The following RTTN variants were observed in gnomAD, a reference collection of about 807,000 sequenced individuals.
RTTN encodes the protein rotatin.
RTTN carries 182 observed loss-of-function variants against 269.2 expected under a neutral mutation model. That is an observed-to-expected ratio of 0.68 (90% CI 0.60 to 0.76). RTTN has a LOEUF of 0.76. RTTN is among the 30% of genes least tolerant of loss of function. RTTN has a pLI of 0.00. For missense variants in RTTN, 2,545 were observed against 2,608.6 expected (o/e 0.98, Z 0.53); for synonymous variants, 1,006 against 963.5 (o/e 1.04, Z -0.82).
intron 4 of RTTN, among the ~76,000 whole-genome samples, chr18:70,201,607 CAAAAAAAAAAAAAAAA>C (rs34966295): frequency 9.8e-5 from 4 of 41,008 alleles, no homozygotes; most frequent in Non-Finnish European, 1.5e-4. Context: ...GACTCCATCT[CAAAAAAAAAAAAAAAA>C]AAAAAAAAAA....
intron 5 of RTTN, among the ~76,000 whole-genome samples, 186 bp downstream of exon 5, chr18:70,199,228 A>C (rs1451195746): frequency 6.6e-6 from 1 of 152,116 alleles, no homozygotes; most frequent in African/African-American, 2.4e-5. Flanking sequence ...TGATGTGTAG[A>C]TTGATTAAAA....
intron 18 of RTTN, among the ~76,000 whole-genome samples, chr18:70,143,320 C>G (rs1020641263): frequency 6.6e-6 from 1 of 152,076 alleles, no homozygotes. Flanking sequence ...GCACTATTCA[C>G]AACAGCAAAC....
chr18:70,090,892 G>T (rs1322115958), intron 30 of RTTN, among the ~76,000 whole-genome samples: 2 of 152,206 alleles, frequency 1.3e-5, no homozygotes, highest in Non-Finnish European at 2.9e-5. Context: ...TCAAGCCAAA[G>T]AACATTATCC....
Position 70,127,569 on chromosome 18 carries a change from A to G in RTTN, c.3316T>C (p.Leu1106=), listed in dbSNP as rs142614017. ...CCACATGGACCAGGGCAACCCTTTAAAGACAATCTGTCATTCAGAAGATAA... is the reference window on the plus strand; with the variant it reads ...CCACATGGACCAGGGCAACCCTTTAGAGACAATCTGTCATTCAGAAGATAA... The part of the protein sequence containing the change: ...SFYLLNDRLS[L]KGCPGPCGVT... The change falls in exon 25 of 49, where the codon TTA becomes CTA. Residue 1106 remains leucine (L), a synonymous_variant. Transcript: ENST00000640769. 18 of 1,613,520 alleles carry G rather than the reference A, an allele frequency of 1.1e-5. No individual in the cohort carries two copies. In the East Asian group the frequency reaches 3.8e-4, roughly 34 times the overall value.
intron 10 of RTTN, among the ~76,000 whole-genome samples, chr18:70,181,015 G>GT (rs2061411124): frequency 6.6e-6 from 1 of 152,192 alleles, no homozygotes; most frequent in Non-Finnish European, 1.5e-5. Context: ...GAAGGTCTAT[G>GT]TAATTAGAGA....
In RTTN at chr18:70,205,308, C is replaced by A. The variant is rs1441727786; in HGVS notation, c.39G>T (p.Gln13His). Reference sequence around the variant, plus strand: ...GAGCGCGCTCCCTGATCTCGGCCAGCTGATGACCTGTCAACGAACGGCACA... The same window carrying A: ...GAGCGCGCTCCCTGATCTCGGCCAGATGATGACCTGTCAACGAACGGCACA... ...LAGLIRKLGH[Q>H]LAEIRERALK... Residue 13 changes from glutamine to histidine, a missense_variant, in exon 2 of 49, where the codon CAG (glutamine) becomes CAT (histidine). Gln to His is a conservative substitution (Grantham distance 24). Coordinates refer to ENST00000640769, the MANE Select transcript of RTTN (RefSeq NM_173630.4). The A allele has an allele frequency of 6.2e-7, 1 of 1,614,178 alleles. No homozygotes were observed. The highest frequency in any genetic ancestry group is 1.3e-5 in the African/African-American group (1 of 75,050).
chr18:70,115,459 A>G (rs1396726056), intron 26 of RTTN, among the ~76,000 whole-genome samples: 1 of 151,940 alleles, frequency 6.6e-6, no homozygotes, highest in African/African-American at 2.4e-5. Flanking sequence ...TACATTAATC[A>G]GAAGCATTAA....
At chr18:70,090,466 T>A (rs141642472) in intron 30 of RTTN, among the ~76,000 whole-genome samples, 90 of 152,336 alleles carry the variant, frequency 5.9e-4, no homozygotes, top group African/African-American at 2.0e-3. Context: ...AGCCTTCTTG[T>A]ATTGATGTGA....
chr18:70,075,386 A>G lies in RTTN; in HGVS notation c.4530T>C (p.Ala1510=), dbSNP rs2145071229. ...GRCMFDLNFS[A]FDRNSESNDL... ...CATTGCTTTCTGAATTTCTATCAAA[A>G]GCAGAAAAATTCAAATCAAACATAC... is the stretch of plus-strand genomic sequence containing the variant. Residue 1510 remains alanine, a synonymous_variant, in exon 33 of 49, where the codon GCT becomes GCC. Transcript: ENST00000640769. 6.3e-7 allele frequency: 1 copy of G among 1,591,584 alleles called. No homozygotes were observed. Among genetic ancestry groups the G allele is most frequent in the South Asian group, 1.2e-5 (1 of 85,294 alleles).
Position 70,166,201 on chromosome 18 carries a change from T to C in RTTN, c.1803-13A>G. The C allele has an allele frequency of 6.2e-7, 1 of 1,612,050 alleles. No individual in the cohort carries two copies. On this transcript the variant is annotated splice_polypyrimidine_tract_variant and intron_variant, in intron 13 of 48. Transcript: ENST00000640769. ...AGCAGATTTCCAGCTGGTGAAAAGG[T>C]AAAACAACCAAGACATGTGAGGCAA...
At position 70,137,836 on chromosome 18, in the gene RTTN, A is replaced by G. The variant is rs147209781; in HGVS notation, c.2788+1763T>C. The stretch of plus-strand genomic sequence containing the variant: ...TGGTGTACTGTATATTTACTTGTCA[A>G]TGTCTCCAACTCTACTGTAAGCTCC... On this transcript the variant is annotated intron_variant, in intron 21 of 48. Transcript: ENST00000640769. Among the ~76,000 whole-genome samples the G allele has an allele frequency of 5.9e-5, 9 of 152,262 alleles. No homozygotes were observed. The East Asian group carries it at 1.4e-3, about 23-fold the overall frequency.
chr18:70,045,013 C>G (rs181929046), intron 40 of RTTN, among the ~76,000 whole-genome samples: 1 of 152,256 alleles, frequency 6.6e-6, no homozygotes, highest in East Asian at 1.9e-4. Flanking sequence ...AAAATCTCTG[C>G]TAAGTCAAAT....
intron 28 of RTTN, among the ~76,000 whole-genome samples, chr18:70,099,119 T>G (rs1407476270): frequency 1.3e-5 from 2 of 152,202 alleles, no homozygotes; most frequent in African/African-American, 2.4e-5. Context: ...AGTAATGGAA[T>G]GGCTGGGTAA....
At chr18:70,128,685 C>T (rs1307753617) in intron 23 of RTTN, 139 bp from the exon 24 acceptor site, 1 of 639,938 alleles carries the variant, frequency 1.6e-6, no homozygotes, top group Non-Finnish European at 2.7e-6. Context: ...CTATTTTAAA[C>T]AATTATCATA....
At chr18:70,116,638 C>T (rs891671811) in intron 26 of RTTN, among the ~76,000 whole-genome samples, 1 of 152,044 alleles carries the variant, frequency 6.6e-6, no homozygotes, top group Non-Finnish European at 1.5e-5. Flanking sequence ...AAACCAACTA[C>T]TTGGGCCATT....
chr18:70,111,509 G>A (rs778392771), intron 27 of RTTN, among the ~76,000 whole-genome samples: 7 of 151,692 alleles, frequency 4.6e-5, no homozygotes, highest in African/African-American at 1.2e-4. Flanking sequence ...GGAACAGCAC[G>A]TCCACTCAAA....
Position 70,024,796 on chromosome 18 carries a change from C to T in RTTN, c.5876G>A (p.Trp1959Ter). 6.2e-7 allele frequency: 1 copy of T among 1,613,996 alleles called. No individual in the cohort carries two copies. Among genetic ancestry groups the T allele is most frequent in the Non-Finnish European group, 8.5e-7 (1 of 1,179,918 alleles). The change falls in exon 44 of 49, where the codon TGG (tryptophan) becomes TAG (stop). Residue 1959 changes from tryptophan to a stop codon, truncating the protein, a stop_gained. Coordinates refer to ENST00000640769, the MANE Select transcript of RTTN (RefSeq NM_173630.4). LOFTEE classifies it high-confidence loss of function. Reference sequence around the variant, plus strand: ...CATCAATGAATCATCCATCAAAATCCAAGGCCAGAGAGAGTGCAAGACAGG... The same window carrying T: ...CATCAATGAATCATCCATCAAAATCTAAGGCCAGAGAGAGTGCAAGACAGG... The part of the protein sequence containing the change: ...LVPVLHSLWP[W>*]ILMDDSLMQI...
intron 8 of RTTN, among the ~76,000 whole-genome samples, chr18:70,191,493 G>A (rs2146100298): frequency 6.6e-6 from 1 of 152,268 alleles, no homozygotes; most frequent in South Asian, 2.1e-4. Flanking sequence ...CATGGGAAAT[G>A]TATTACTTCA....
In RTTN at chr18:70,024,778, G is replaced by A; in HGVS notation, c.5894C>T (p.Ser1965Leu). The change falls in exon 44 of 49, where the codon TCA (serine) becomes TTA (leucine). Residue 1965 changes from serine to leucine, a missense_variant. Coordinates refer to ENST00000640769, the MANE Select transcript of RTTN (RefSeq NM_173630.4). ...GAGCTGCAGAGAAATTTGCATCAATGAATCATCCATCAAAATCCAAGGCCA... is the reference window on the plus strand; with the variant it reads ...GAGCTGCAGAGAAATTTGCATCAATAAATCATCCATCAAAATCCAAGGCCA... ...SLWPWILMDDSLMQISLQLLC... is the reference protein window; with the variant it reads ...SLWPWILMDDLLMQISLQLLC... The A allele has an allele frequency of 6.2e-7, 1 of 1,613,914 alleles. No individual in the cohort carries two copies. Among genetic ancestry groups the A allele is most frequent in the Non-Finnish European group, 8.5e-7 (1 of 1,179,822 alleles).
Sources: allele counts gnomAD v4.1 joint callset (sites outside exome capture counted in the v4.1 genomes callset), GRCh38; gene constraint gnomAD v4.1.1; transcripts MANE v1.5; gene names NCBI Gene and HGNC (gene_info 2026-07-23, HGNC 2026-07-21).